The following CAMK2A variants were observed in gnomAD, a reference collection of about 807,000 sequenced individuals.
CAMK2A encodes calcium/calmodulin dependent protein kinase II alpha, also known as calcium/calmodulin-dependent protein kinase type II subunit alpha.
In CAMK2A, 7 loss-of-function variants were observed where a neutral mutation model predicts 79.2. That is an observed-to-expected ratio of 0.09 (90% CI 0.05 to 0.17). CAMK2A has a LOEUF of 0.17. Ranked by LOEUF, CAMK2A falls within the 10% of genes least tolerant of loss-of-function variation. CAMK2A has a pLI of 1.00. For synonymous variants in CAMK2A, 242 were observed against 251.7 expected (o/e 0.96, Z 0.36); for missense variants, 214 against 646.4 (o/e 0.33, Z 7.25).
intron 2 of CAMK2A, among the ~76,000 whole-genome samples, chr5:150,272,511 G>A (rs1403177248): frequency 4.0e-5 from 6 of 151,362 alleles, no homozygotes; most frequent in Non-Finnish European, 5.9e-5. Flanking sequence ...GGCAGAGGTT[G>A]CAGTGAGCCA....
rs915384095 is a variant in CAMK2A at position 150,284,880 on chromosome 5, C to T, written c.62+4684G>A. On this transcript the variant is annotated intron_variant, in intron 1 of 18. Coordinates refer to ENST00000671881, the MANE Select transcript of CAMK2A (RefSeq NM_015981.4). This position sits in a 1 kb window ranked among gnomAD's most constrained non-coding sequence, Gnocchi z 5.3. ...ACAATTCTGATGTTCCGGAGGTCTG[C>T]AATTTCCCATATGTGCCCTCCACAG... Among the ~76,000 whole-genome samples, 1 of 152,152 alleles carries T rather than the reference C, an allele frequency of 6.6e-6. No homozygotes were observed. Among genetic ancestry groups the T allele is most frequent in the Non-Finnish European group, 1.5e-5 (1 of 68,022 alleles).
intron 1 of CAMK2A, among the ~76,000 whole-genome samples, chr5:150,287,435 A>G (rs184970473): frequency 1.3e-5 from 2 of 152,192 alleles, no homozygotes; most frequent in African/African-American, 4.8e-5. Flanking sequence ...AGGCCTAGCT[A>G]TGCCTGCTAC....
chr5:150,263,645 TCACA>T (rs1756390509), intron 3 of CAMK2A, among the ~76,000 whole-genome samples: 1 of 151,844 alleles, frequency 6.6e-6, no homozygotes, highest in Non-Finnish European at 1.5e-5. Context: ...ACATATTCAC[TCACA>T]CACTCCACAC....
At chr5:150,236,913 A>G (rs1755095327) in intron 15 of CAMK2A, among the ~76,000 whole-genome samples, 1 of 152,080 alleles carries the variant, frequency 6.6e-6, no homozygotes, top group Non-Finnish European at 1.5e-5. Flanking sequence ...GGGTCTTGCT[A>G]TGTTGCCCAG....
intron 1 of CAMK2A, among the ~76,000 whole-genome samples, chr5:150,276,479 G>C (rs1296712105): frequency 6.6e-6 from 1 of 152,152 alleles, no homozygotes; most frequent in African/African-American, 2.4e-5. Flanking sequence ...TTAGGAATAG[G>C]AACAGTCATC....
intron 1 of CAMK2A, among the ~76,000 whole-genome samples, chr5:150,287,349 A>G (rs1757467164): frequency 6.6e-6 from 1 of 152,138 alleles, no homozygotes; most frequent in African/African-American, 2.4e-5. Flanking sequence ...CAGATTCCTG[A>G]AGGAATATGT....
intron 6 of CAMK2A, among the ~76,000 whole-genome samples, chr5:150,255,233 C>T (rs993794899): frequency 2.0e-5 from 3 of 152,234 alleles, no homozygotes; most frequent in Non-Finnish European, 2.9e-5. Flanking sequence ...GGGAGAGGTG[C>T]CCTGCAGTCT....
At chr5:150,275,023 A>AT (rs1333432760) in intron 1 of CAMK2A, among the ~76,000 whole-genome samples, 11 of 152,242 alleles carry the variant, frequency 7.2e-5, no homozygotes, top group African/African-American at 2.7e-4. Flanking sequence ...AGCCCTGAAC[A>AT]TGGTATCACT....
At chr5:150,235,455 C>A (rs544969624) in intron 15 of CAMK2A, among the ~76,000 whole-genome samples, 1 of 152,352 alleles carries the variant, frequency 6.6e-6, no homozygotes, top group African/African-American at 2.4e-5. Context: ...AAAGCCCAAA[C>A]CCCAGAGAGG....
intron 15 of CAMK2A, among the ~76,000 whole-genome samples, chr5:150,231,697 C>T (rs903367251): frequency 6.6e-6 from 1 of 151,544 alleles, no homozygotes; most frequent in African/African-American, 2.4e-5. Context: ...GCCTCTAATA[C>T]ATGGTGGACA....
chr5:150,255,049 C>T (rs1755995555), intron 6 of CAMK2A, among the ~76,000 whole-genome samples: 1 of 152,148 alleles, frequency 6.6e-6, no homozygotes, highest in Non-Finnish European at 1.5e-5. Context: ...TCAAAGGCCT[C>T]CTTTGTCCTC....
intron 7 of CAMK2A, 82 bp from the exon 8 acceptor site, chr5:150,252,147 G>A (rs917348447): frequency 1.9e-6 from 2 of 1,078,728 alleles, no homozygotes; most frequent in African/African-American, 1.6e-5. Context: ...TGCTGGAAGA[G>A]GGGATGAGGA....
At chr5:150,237,345 C>T (rs1006892736) in intron 15 of CAMK2A, among the ~76,000 whole-genome samples, 25 of 142,278 alleles carry the variant, frequency 1.8e-4, no homozygotes, top group African/African-American at 6.1e-4. Context: ...TCGAGGTCAA[C>T]GGCCTTTTTT....
chr5:150,233,780 CTT>C (rs1754945273), intron 15 of CAMK2A, among the ~76,000 whole-genome samples: 1 of 152,068 alleles, frequency 6.6e-6, no homozygotes, highest in African/African-American at 2.4e-5. Flanking sequence ...CCAGTCACCT[CTT>C]TTGTTTGTTT....
chr5:150,271,008 G>T (rs1381063848), intron 2 of CAMK2A, among the ~76,000 whole-genome samples: 1 of 152,146 alleles, frequency 6.6e-6, no homozygotes, highest in East Asian at 1.9e-4. Context: ...GACCACCTTG[G>T]TGCCTGACCC....
chr5:150,283,849 T>G (rs1757314080), intron 1 of CAMK2A, among the ~76,000 whole-genome samples: 1 of 152,162 alleles, frequency 6.6e-6, no homozygotes, highest in African/African-American at 2.4e-5. Context: ...GTTGAAAGGA[T>G]GCAAGGATTC....
At position 150,247,885 on chromosome 5, in the gene CAMK2A, G is replaced by A. The variant is rs113475929; in HGVS notation, c.901-71C>T. On this transcript the variant is annotated intron_variant, in intron 11 of 18. Transcript: ENST00000671881. Reference sequence around the variant, plus strand: ...AGGGACCCAGGAGGGACAGAGAGACGGGAGGGCCACGGGGAAGGAGAGGCA... The same window carrying A: ...AGGGACCCAGGAGGGACAGAGAGACAGGAGGGCCACGGGGAAGGAGAGGCA... 9.5e-5 allele frequency: 124 copies of A among 1,303,624 alleles called. No homozygotes were observed. The African/African-American group carries it at 1.0e-3, about 11-fold the overall frequency. 80.8% of individuals were successfully genotyped at this position (1,303,624 alleles called of 1,614,324 possible).
chr5:150,264,491 C>G (rs1756423491), intron 3 of CAMK2A, among the ~76,000 whole-genome samples: 1 of 152,258 alleles, frequency 6.6e-6, no homozygotes. Flanking sequence ...ATGGCCCAGC[C>G]TCTCCATGCA....
chr5:150,281,953 T>C (rs1272385947), intron 1 of CAMK2A, among the ~76,000 whole-genome samples: 1 of 152,236 alleles, frequency 6.6e-6, no homozygotes, highest in Non-Finnish European at 1.5e-5. Context: ...AACACAGCTA[T>C]GCAGCTTCTC....
Sources: allele counts gnomAD v4.1 joint callset (sites outside exome capture counted in the v4.1 genomes callset), GRCh38; gene constraint gnomAD v4.1.1; non-coding constraint Gnocchi (gnomAD v3.1); transcripts MANE v1.5; gene names NCBI Gene and HGNC (gene_info 2026-07-23, HGNC 2026-07-21).